The following THSD7A variants were observed in gnomAD, a reference collection of about 807,000 sequenced individuals.
THSD7A encodes the protein thrombospondin type 1 domain containing 7A, also known as thrombospondin type-1 domain-containing protein 7A.
A neutral mutation model predicts 231.3 loss-of-function variants in THSD7A; 96 were observed. That is an observed-to-expected ratio of 0.41 (90% CI 0.35 to 0.49). The LOEUF is 0.49. Among genes scored for constraint, THSD7A ranks in the 20% least tolerant of loss-of-function variants. THSD7A has a pLI of 0.05. For synonymous variants in THSD7A, 940 were observed against 743.3 expected (o/e 1.26, Z -4.30); for missense variants, 2,290 against 2,070.2 (o/e 1.11, Z -2.06).
Position 11,375,743 on chromosome 7 carries a change from A to G in THSD7A, c.*51T>C. On this transcript the variant is annotated 3_prime_UTR_variant, in exon 28 of 28. Transcript: ENST00000423059. ...GATACATTTGTTGTGGCCTCTGGAC[A>G]TCTATGAAGTCAGAAAGCCGAAACT... is the stretch of plus-strand genomic sequence containing the variant. 6.8e-7 allele frequency: 1 copy of G among 1,460,304 alleles called. No homozygotes were observed. The highest frequency in any genetic ancestry group is 9.6e-7 in the Non-Finnish European group (1 of 1,044,376). The allele number at this position is 1,460,304 out of a possible 1,614,324, so 90.5% of individuals were successfully genotyped here. A position where few individuals can be genotyped will look rare whatever the true frequency, so the allele number is the denominator to read the frequency against.
At chr7:11,488,351 C>A (rs1421899614) in intron 6 of THSD7A, among the ~76,000 whole-genome samples, 2 of 152,014 alleles carry the variant, frequency 1.3e-5, no homozygotes, top group African/African-American at 4.8e-5. Context: ...CTCATATTTG[C>A]ATGGACCTTT....
intron 1 of THSD7A, among the ~76,000 whole-genome samples, chr7:11,707,698 G>C (rs976468044): frequency 6.6e-6 from 1 of 150,716 alleles, no homozygotes; most frequent in Non-Finnish European, 1.5e-5. Context: ...AGACCCAAAG[G>C]AATGTGTTCT....
intron 1 of THSD7A, among the ~76,000 whole-genome samples, chr7:11,683,808 G>T (rs995256765): frequency 6.6e-6 from 1 of 151,980 alleles, no homozygotes; most frequent in South Asian, 2.1e-4. Context: ...ACAAGAGCCA[G>T]TATCAATCCT....
chr7:11,526,270 T>C (rs1323216970), intron 6 of THSD7A, among the ~76,000 whole-genome samples: 3 of 152,170 alleles, frequency 2.0e-5, no homozygotes, highest in African/African-American at 7.2e-5. Context: ...AGTTCTTCTA[T>C]ACTTCTGTGC....
chr7:11,662,124 T>C (rs1227202410), intron 1 of THSD7A, among the ~76,000 whole-genome samples: 2 of 151,288 alleles, frequency 1.3e-5, no homozygotes, highest in African/African-American at 4.8e-5. Flanking sequence ...CCAAAACACA[T>C]GAATTTACAT....
intron 2 of THSD7A, among the ~76,000 whole-genome samples, chr7:11,627,545 T>C (rs1781513810): frequency 6.6e-6 from 1 of 152,074 alleles, no homozygotes; most frequent in Non-Finnish European, 1.5e-5. Flanking sequence ...AAGTACTTTT[T>C]TAAGGAATGA....
At chr7:11,781,889 G>A (rs148473394) in intron 1 of THSD7A, among the ~76,000 whole-genome samples, 13 of 152,052 alleles carry the variant, frequency 8.5e-5, no homozygotes, top group African/African-American at 2.9e-4. Context: ...AGGGTTTCCT[G>A]ACCCACAGTC....
rs375131132 is a variant in THSD7A, at chr7:11,795,307, T to C, written c.190+36450A>G. On this transcript the variant is annotated intron_variant, in intron 1 of 27. Transcript: ENST00000423059. ...GTCATTTTAGAGAGAAAAAATAATA[T>C]TAAAATATAAAGAGTTACAGTAATA... Among the ~76,000 whole-genome samples, 51 of 151,942 alleles carry C rather than the reference T, an allele frequency of 3.4e-4. No homozygotes were observed. In the South Asian group the frequency reaches 0.01, roughly 30 times the overall value.
At chr7:11,582,583 T>C (rs1791213668) in intron 4 of THSD7A, among the ~76,000 whole-genome samples, 1 of 152,162 alleles carries the variant, frequency 6.6e-6, no homozygotes, top group South Asian at 2.1e-4. Flanking sequence ...AAATATCCTT[T>C]GGCAATCTTT....
At chr7:11,484,936 G>T (rs1786592974) in intron 6 of THSD7A, among the ~76,000 whole-genome samples, 1 of 118,686 alleles carries the variant, frequency 8.4e-6, no homozygotes, top group African/African-American at 3.3e-5. Flanking sequence ...TGTTGCCCAG[G>T]CTGCAACGCA....
intron 1 of THSD7A, among the ~76,000 whole-genome samples, chr7:11,818,694 A>G (rs1177948066): frequency 6.6e-6 from 1 of 152,178 alleles, no homozygotes; most frequent in African/African-American, 2.4e-5. Context: ...TCCGCTAGGG[A>G]TACAGGAGGT....
chr7:11,555,898 C>G (rs147080128), intron 4 of THSD7A, among the ~76,000 whole-genome samples: 1 of 151,704 alleles, frequency 6.6e-6, no homozygotes, highest in Non-Finnish European at 1.5e-5. Context: ...ATAGCCACTC[C>G]TGCTTCCATT....
intron 6 of THSD7A, among the ~76,000 whole-genome samples, chr7:11,485,666 C>T (rs17632105): frequency 0.13 from 20,379 of 152,104 alleles, 1,521 homozygotes; most frequent in Middle Eastern, 0.19. Flanking sequence ...CCCCAATCTG[C>T]TTTTGAACTA....
intron 1 of THSD7A, among the ~76,000 whole-genome samples, chr7:11,701,063 T>C (rs1400261943): frequency 6.6e-6 from 1 of 151,294 alleles, no homozygotes; most frequent in African/African-American, 2.4e-5. Context: ...AAAATAAGTT[T>C]TCATGATTTA....
intron 1 of THSD7A, among the ~76,000 whole-genome samples, chr7:11,736,319 G>T (rs2355076): frequency 0.21 from 31,702 of 151,718 alleles, 4,579 homozygotes; most frequent in African/African-American, 0.41. Context: ...TGATGGCCAG[G>T]CATGGTGACT....
chr7:11,670,590 G>A (rs1213645939), intron 1 of THSD7A, among the ~76,000 whole-genome samples: 1 of 152,136 alleles, frequency 6.6e-6, no homozygotes, highest in Non-Finnish European at 1.5e-5. Context: ...ACTTAGCCCT[G>A]CTGGAAACAA....
rs754293997 is a variant in THSD7A, at chr7:11,541,589, C to T, written c.1652G>A (p.Gly551Glu). 3.1e-6 allele frequency: 5 copies of T among 1,613,944 alleles called. No homozygotes were observed. The highest frequency in any genetic ancestry group is 4.2e-6 in the Non-Finnish European group (5 of 1,179,886). The part of the protein sequence containing the change: ...RKRRITNEPT[G>E]GSGVTGNCPH... ...GCAGTTTCCGGTTACCCCAGAGCCT[C>T]CAGTGGGCTCATTGGTAATGCGCCG... Residue 551 changes from glycine (G) to glutamate (E), a missense_variant, in exon 6 of 28, where the codon GGA becomes GAA. By Grantham distance (98) the Gly-to-Glu change is moderately conservative (BLOSUM62 -2). Coordinates refer to ENST00000423059, the MANE Select transcript of THSD7A (RefSeq NM_015204.3).
chr7:11,768,848 AT>A (rs1783114386), intron 1 of THSD7A, among the ~76,000 whole-genome samples: 1 of 151,820 alleles, frequency 6.6e-6, no homozygotes. Context: ...TTACAAACAA[AT>A]TTTCTAGAAT....
intron 1 of THSD7A, among the ~76,000 whole-genome samples, chr7:11,783,017 C>G (rs1783682002): frequency 6.6e-6 from 1 of 152,030 alleles, no homozygotes; most frequent in Admixed American, 6.6e-5. Context: ...ACCATATTTT[C>G]TGGTGAAGAA....
Sources: allele counts gnomAD v4.1 joint callset (sites outside exome capture counted in the v4.1 genomes callset), GRCh38; gene constraint gnomAD v4.1.1; transcripts MANE v1.5; gene names NCBI Gene and HGNC (gene_info 2026-07-23, HGNC 2026-07-21).